The following NIN variants were observed in gnomAD, a reference collection of about 807,000 sequenced individuals.
The protein encoded by NIN is ninein.
Under a neutral mutation model 257.6 loss-of-function variants are expected in NIN, and 137 were observed. The ratio of observed to expected loss-of-function variants is 0.53; its 90% CI spans 0.46 to 0.61. The LOEUF (loss-of-function observed/expected upper bound fraction) is 0.61, where lower values mean the gene tolerates loss of function less well. NIN is among the 20% of genes least tolerant of loss of function. The pLI, the probability that NIN is intolerant of heterozygous loss-of-function variation, is 0.00. For synonymous variants in NIN, 918 were observed against 919.8 expected (o/e 1.00, Z 0.04); for missense variants, 2,439 against 2,501.2 (o/e 0.98, Z 0.53).
chr14:50,821,112 T>A (rs1322474536), intron 3 of NIN, among the ~76,000 whole-genome samples: 1 of 152,192 alleles, frequency 6.6e-6, no homozygotes, highest in African/African-American at 2.4e-5. Flanking sequence ...CTCAAAGCCA[T>A]ATAAACCTAT....
intron 20 of NIN, among the ~76,000 whole-genome samples, chr14:50,754,271 C>G (rs1275266312): frequency 6.6e-6 from 1 of 152,182 alleles, no homozygotes. Flanking sequence ...ACAAGGGCTA[C>G]AGCTAATATT....
rs77396018 is a variant in NIN at position 50,755,236 on chromosome 14, T to C, written c.4539-369A>G. 7.4e-3 allele frequency among the ~76,000 whole-genome samples: 1,130 copies of C among 152,342 alleles called. 16 individuals are homozygous for C. The highest frequency in any genetic ancestry group is 0.026 in the African/African-American group (1,069 of 41,582). On this transcript the variant is annotated intron_variant, in intron 18 of 30. Coordinates refer to ENST00000530997, the MANE Select transcript of NIN (RefSeq NM_020921.4). ...CTGTTCTGAATACACATAAGCCATGTTACAAAGCTATATTAGCTTAGTTTT... is the reference window on the plus strand; with the variant it reads ...CTGTTCTGAATACACATAAGCCATGCTACAAAGCTATATTAGCTTAGTTTT...
chr14:50,772,211 A>C, intron 9 of NIN, 90 bp downstream of exon 9: 1 of 1,226,112 alleles, frequency 8.2e-7, no homozygotes, highest in South Asian at 1.6e-5. Flanking sequence ...TTAAGAAGAA[A>C]GAAAATCAAA....
chr14:50,789,988 T>C (rs974669973), intron 5 of NIN, among the ~76,000 whole-genome samples: 3 of 152,224 alleles, frequency 2.0e-5, no homozygotes, highest in Admixed American at 6.5e-5. Flanking sequence ...TAACCACAGC[T>C]GCTGTGCAAA....
At chr14:50,740,411 C>A (rs911746666) in intron 25 of NIN, among the ~76,000 whole-genome samples, 1 of 151,806 alleles carries the variant, frequency 6.6e-6, no homozygotes, top group African/African-American at 2.4e-5. Flanking sequence ...TGCAGTGGCA[C>A]GATCTTGGCT....
chr14:50,724,662 T>C (rs1184831945), intron 30 of NIN, among the ~76,000 whole-genome samples: 1 of 152,126 alleles, frequency 6.6e-6, no homozygotes, highest in Non-Finnish European at 1.5e-5. Flanking sequence ...TCCCCCTTCC[T>C]CTCTAGTCTC....
In NIN at chr14:50,826,390, A is replaced by G. The variant is rs116706794; in HGVS notation, c.-22+4074T>C. Among the ~76,000 whole-genome samples, 524 of 152,334 alleles carry G rather than the reference A, an allele frequency of 3.4e-3. 8 individuals carry two copies. The highest frequency in any genetic ancestry group is 0.012 in the African/African-American group (479 of 41,568). Reference sequence around the variant, plus strand: ...GTTAAATAAGAAGCAGATGCACAGAACCATTAATCAAAACATTTACCACTC... The same window carrying G: ...GTTAAATAAGAAGCAGATGCACAGAGCCATTAATCAAAACATTTACCACTC... On this transcript the variant is annotated intron_variant, in intron 2 of 30. Coordinates refer to ENST00000530997, the MANE Select transcript of NIN (RefSeq NM_020921.4).
rs1054092082 is a variant in NIN, at chr14:50,822,092, G to C, written c.-21-15C>G. 8 of 1,588,990 alleles carry C rather than the reference G, an allele frequency of 5.0e-6. No homozygotes were observed. The highest frequency in any genetic ancestry group is 6.9e-6 in the Non-Finnish European group (8 of 1,163,260). ...ACAGTGCTCACCTGTGTGTAAGACA[G>C]AGACAAGGACAGGTTGTGGCAGCCT... On this transcript the variant is annotated splice_polypyrimidine_tract_variant and intron_variant, in intron 2 of 30. Transcript: ENST00000530997.
In NIN at chr14:50,756,512, C is replaced by T; in HGVS notation, c.4518G>A (p.Gln1506=). 2 of 1,603,408 alleles carry T rather than the reference C, an allele frequency of 1.2e-6. No individual in the cohort carries two copies. The highest frequency in any genetic ancestry group is 2.2e-5 in the East Asian group (1 of 44,848). Residue 1506 remains glutamine (Q), a synonymous_variant, in exon 18 of 31, where the codon CAG becomes CAA. Coordinates refer to ENST00000530997, the MANE Select transcript of NIN (RefSeq NM_020921.4). ...ATTACCTCAGAAGTTCAACTTTTTG[C>T]TGCATCTCACTGCACGTGATCTGCA... ...HDLQITCSEM[Q]QKVELLRYES...
At chr14:50,770,131 G>A (rs1466686435) in intron 12 of NIN, among the ~76,000 whole-genome samples, 2 of 152,096 alleles carry the variant, frequency 1.3e-5, no homozygotes, top group East Asian at 1.9e-4. Context: ...AAACAGCCCT[G>A]AAGACCTAGT....
At chr14:50,724,859 TA>T (rs1392327622) in intron 30 of NIN, among the ~76,000 whole-genome samples, 1 of 152,232 alleles carries the variant, frequency 6.6e-6, no homozygotes, top group African/African-American at 2.4e-5. Flanking sequence ...AAGCTTTCTT[TA>T]AACTCCTGGG....
intron 2 of NIN, among the ~76,000 whole-genome samples, chr14:50,826,689 GA>G (rs997802126): frequency 1.1e-4 from 16 of 152,340 alleles, no homozygotes; most frequent in African/African-American, 3.6e-4. Flanking sequence ...TTCTGGGCCA[GA>G]GGGAGTGAAA....
Position 50,792,748 on chromosome 14 carries a change from C to T in NIN, c.399G>A (p.Ala133=), listed in dbSNP as rs372665883. The change falls in exon 5 of 31, where the codon GCG becomes GCA. Residue 133 remains alanine (A), a synonymous_variant. Transcript: ENST00000530997. The part of the protein sequence containing the change: ...VTVIEPLDEE[A]RPSHIPAGDC... ...CACCGGCTGGGATGTGTGAAGGCCG[C>T]GCTTCTTCATCCAGTGGCTCAATCA... is the stretch of plus-strand genomic sequence containing the variant. 1.2e-4 allele frequency: 196 copies of T among 1,614,176 alleles called. 2 individuals are homozygous for T. In the East Asian group the frequency reaches 2.1e-3, roughly 18 times the overall value.
intron 4 of NIN, among the ~76,000 whole-genome samples, chr14:50,804,111 G>A (rs970433444): frequency 6.6e-6 from 1 of 152,028 alleles, no homozygotes; most frequent in African/African-American, 2.4e-5. Flanking sequence ...TGGCCAGGCT[G>A]GTCTCGATCT....
intron 3 of NIN, among the ~76,000 whole-genome samples, chr14:50,812,771 T>C (rs1222629385): frequency 6.6e-6 from 1 of 152,226 alleles, no homozygotes; most frequent in Non-Finnish European, 1.5e-5. Flanking sequence ...ATGTAGTAAA[T>C]CAGCCTCATT....
intron 25 of NIN, 35 bp downstream of exon 25, chr14:50,741,538 TTACTGTAAA>T: frequency 1.3e-6 from 2 of 1,572,904 alleles, no homozygotes. Flanking sequence ...TTTGTATACT[TTACTGTAAA>T]TAACTTATAC....
At chr14:50,827,196 A>G (rs570002603) in intron 2 of NIN, among the ~76,000 whole-genome samples, 1 of 152,312 alleles carries the variant, frequency 6.6e-6, no homozygotes, top group South Asian at 2.1e-4. Context: ...AAAGAGTGAC[A>G]AGGATAAATT....
intron 30 of NIN, chr14:50,724,155 C>T (rs975094793): frequency 2.6e-5 from 5 of 192,188 alleles, no homozygotes; most frequent in Non-Finnish European, 4.3e-5. Flanking sequence ...GTTACTTCTC[C>T]TGAATTGTCT....
intron 8 of NIN, 27 bp from the exon 9 acceptor site, chr14:50,772,495 G>C (rs765071679): frequency 6.2e-7 from 1 of 1,609,474 alleles, no homozygotes; most frequent in Non-Finnish European, 8.5e-7. Context: ...ACTTGAGTAA[G>C]CCTAGCTTGA....
Sources: allele counts gnomAD v4.1 joint callset (sites outside exome capture counted in the v4.1 genomes callset), GRCh38; gene constraint gnomAD v4.1.1; transcripts MANE v1.5; gene names NCBI Gene and HGNC (gene_info 2026-07-23, HGNC 2026-07-21).